SLIT3: variants seen among roughly 807,000 people sequenced by gnomAD.
SLIT3 encodes slit guidance ligand 3, also known as slit homolog 3 protein.
SLIT3 carries 68 observed loss-of-function variants against 184.0 expected under a neutral mutation model. The ratio of observed to expected loss-of-function variants is 0.37; its 90% confidence interval spans 0.30 to 0.45. SLIT3 has a LOEUF of 0.45. Among genes scored for constraint, SLIT3 ranks in the 20% least tolerant of loss-of-function variants. The pLI is 1.00. For synonymous variants in SLIT3, 831 were observed against 828.6 expected (o/e 1.00, Z -0.05); for missense variants, 1,707 against 2,026.0 (o/e 0.84, Z 3.02).
chr5:168,737,619 C>A (rs1019587648), intron 20 of SLIT3, among the ~76,000 whole-genome samples: 2 of 152,222 alleles, frequency 1.3e-5, no homozygotes, highest in Non-Finnish European at 1.5e-5. Context: ...TATAGGACAA[C>A]AAATCCATGC....
At chr5:168,998,686 A>G (rs1203570683) in intron 4 of SLIT3, among the ~76,000 whole-genome samples, 1 of 151,460 alleles carries the variant, frequency 6.6e-6, no homozygotes, top group African/African-American at 2.4e-5. Flanking sequence ...CCTGGGCGAC[A>G]GAGCAAGACT....
At chr5:168,849,187 A>T (rs537310255) in intron 5 of SLIT3, among the ~76,000 whole-genome samples, 1 of 152,224 alleles carries the variant, frequency 6.6e-6, no homozygotes, top group East Asian at 1.9e-4. Flanking sequence ...CAAACTAGGT[A>T]TCTACATGCA....
chr5:169,052,094 A>T (rs1205713504), intron 4 of SLIT3, among the ~76,000 whole-genome samples: 1 of 148,676 alleles, frequency 6.7e-6, no homozygotes, highest in Admixed American at 6.7e-5. Flanking sequence ...CTTCACAGAA[A>T]TGCGTGTGCA....
chr5:168,788,508 A>C (rs377345674), intron 11 of SLIT3, among the ~76,000 whole-genome samples: 1 of 152,200 alleles, frequency 6.6e-6, no homozygotes, highest in Non-Finnish European at 1.5e-5. Context: ...GCCAGACAGC[A>C]TGGGTTCAAA....
rs191033914 is a variant in SLIT3 at position 168,667,124 on chromosome 5, C to G, written c.4337-435G>C. Among the ~76,000 whole-genome samples, 7 of 152,222 alleles carry G rather than the reference C, an allele frequency of 4.6e-5. No individual in the cohort carries two copies. In the East Asian group the frequency reaches 9.7e-4, roughly 21 times the overall value. ...TCTGGATTTCTGCCTTCCTTGAAAA[C>G]AAGGAGGTCTGGCAGAGCTGAGCCT... is the stretch of plus-strand genomic sequence containing the variant. On this transcript the variant is annotated intron_variant, in intron 35 of 35. Transcript: ENST00000519560.
chr5:169,239,543 T>C (rs933249290), intron 3 of SLIT3, among the ~76,000 whole-genome samples: 55 of 152,092 alleles, frequency 3.6e-4, no homozygotes, highest in Admixed American at 3.6e-3. Flanking sequence ...TTCAATTTCA[T>C]TTACTCTTTA....
At chr5:169,207,128 A>G (rs1361433652) in intron 3 of SLIT3, among the ~76,000 whole-genome samples, 2 of 151,760 alleles carry the variant, frequency 1.3e-5, no homozygotes, top group Non-Finnish European at 2.9e-5. Flanking sequence ...GTCTGCAGAA[A>G]TAGTTTAAGA....
At chr5:168,803,074 T>C (rs1469373470) in intron 9 of SLIT3, among the ~76,000 whole-genome samples, 9 of 152,226 alleles carry the variant, frequency 5.9e-5, no homozygotes. Context: ...TCTCAGACTT[T>C]TGGATTTCAA....
chr5:168,847,737 G>C (rs1561965694), intron 5 of SLIT3, among the ~76,000 whole-genome samples: 1 of 152,156 alleles, frequency 6.6e-6, no homozygotes, highest in Non-Finnish European at 1.5e-5. Context: ...TGGTGGAGTG[G>C]AGCGTTACTA....
At position 169,300,896 on chromosome 5, in the gene SLIT3, G is replaced by GACA; in HGVS notation, c.-188_-187insTGT. On this transcript the variant is annotated 5_prime_UTR_variant, in exon 1 of 36. Coordinates refer to ENST00000519560, the MANE Select transcript of SLIT3 (RefSeq NM_003062.4). This position sits in a 1 kb window ranked among gnomAD's most constrained non-coding sequence, Gnocchi z 4.1. ...GCGGGGCGCTCCGGGCGGCGGCGGC[G>GACA]GCAGCAACAGCAGCTCCATCGGCGG... The GACA allele has an allele frequency of 3.0e-6, 1 of 333,410 alleles. No individual in the cohort carries two copies. The highest frequency in any genetic ancestry group is 5.0e-6 in the Non-Finnish European group (1 of 200,108). 20.7% of individuals were successfully genotyped at this position (333,410 alleles called of 1,614,324 possible).
At chr5:168,905,805 C>A (rs752844177) in intron 4 of SLIT3, among the ~76,000 whole-genome samples, 1 of 152,150 alleles carries the variant, frequency 6.6e-6, no homozygotes, top group Non-Finnish European at 1.5e-5. Context: ...TCCACCATCA[C>A]CCATTTAGAA....
At chr5:168,700,553 A>G in intron 27 of SLIT3, 29 bp downstream of exon 27, 2 of 1,498,864 alleles carry the variant, frequency 1.3e-6, no homozygotes, top group South Asian at 1.1e-5. Context: ...AAACTAATAC[A>G]GTGAGGGAGG....
At chr5:168,889,868 G>A (rs1760378802) in intron 4 of SLIT3, among the ~76,000 whole-genome samples, 1 of 152,158 alleles carries the variant, frequency 6.6e-6, no homozygotes, top group Non-Finnish European at 1.5e-5. Context: ...GAGCAAGGAT[G>A]GGTGGCCGCT....
intron 32 of SLIT3, among the ~76,000 whole-genome samples, chr5:168,676,209 A>T (rs1196138499): frequency 2.0e-5 from 3 of 151,420 alleles, no homozygotes; most frequent in Non-Finnish European, 4.4e-5. Context: ...TCTACCCTTC[A>T]TCCGCCCACC....
In SLIT3 at chr5:168,842,393, T is replaced by C. The variant is rs970739797; in HGVS notation, c.557+2191A>G. On this transcript the variant is annotated intron_variant, in intron 6 of 35. Transcript: ENST00000519560. Reference sequence around the variant, plus strand: ...TTGCAATGATAAGGAATGAGAACTTTTTTTTTTTTCTTTCAGTCACAGGTT... The same window carrying C: ...TTGCAATGATAAGGAATGAGAACTTCTTTTTTTTTCTTTCAGTCACAGGTT... Among the ~76,000 whole-genome samples, 17 of 151,962 alleles carry C rather than the reference T, an allele frequency of 1.1e-4. 1 individual carries two copies. The East Asian group carries it at 2.9e-3, about 26-fold the overall frequency.
intron 3 of SLIT3, among the ~76,000 whole-genome samples, chr5:169,236,829 C>G (rs78184252): frequency 1.3e-5 from 2 of 152,100 alleles, no homozygotes; most frequent in African/African-American, 4.8e-5. Context: ...AAAAATATTT[C>G]TATGTATATA....
intron 6 of SLIT3, among the ~76,000 whole-genome samples, chr5:168,841,037 C>G (rs1758227663): frequency 6.6e-6 from 1 of 152,220 alleles, no homozygotes; most frequent in African/African-American, 2.4e-5. Context: ...CCGACATTCT[C>G]CCCAGCGGGA....
In SLIT3 at chr5:168,662,012, T is replaced by C. The variant is rs887236228; in HGVS notation, c.*4442A>G. The C allele has an allele frequency of 1.3e-5, 2 of 152,186 alleles. No homozygotes were observed. The highest frequency in any genetic ancestry group is 2.9e-5 in the Non-Finnish European group (2 of 68,044). 9.4% of individuals were successfully genotyped at this position (152,186 alleles called of 1,614,324 possible). ...GTTTCACCAACTTTTCCCTAGTGTT[T>C]CCTTTGGCACTGTTGAGCCCACACT... On this transcript the variant is annotated 3_prime_UTR_variant, in exon 36 of 36. Transcript: ENST00000519560.
In SLIT3 at chr5:169,137,335, C is replaced by CACAGAGAGAGAGAGAGAGAGAGAGAG. The variant is rs368371904; in HGVS notation, c.413+56143_413+56144insCTCTCTCTCTCTCTCTCTCTCTCTGT. On this transcript the variant is annotated intron_variant, in intron 4 of 35. Coordinates refer to ENST00000519560, the MANE Select transcript of SLIT3 (RefSeq NM_003062.4). ...ACACACACACACACACACACACACA[C>CACAGAGAGAGAGAGAGAGAGAGAGAG]AGAGAGAGAGAGAGAGAGAGAAACA... Among the ~76,000 whole-genome samples the CACAGAGAGAGAGAGAGAGAGAGAGAG allele has an allele frequency of 1.1e-4, 15 of 138,656 alleles. No individual in the cohort carries two copies. In the South Asian group the frequency reaches 3.7e-3, roughly 34 times the overall value. The allele number at this position is 138,656 out of a possible 152,430, so 91.0% of individuals were successfully genotyped here.
Sources: gnomAD v4.1 joint callset for allele counts (sites outside exome capture counted in the v4.1 genomes callset) on GRCh38, gnomAD v4.1.1 for gene constraint, Gnocchi (gnomAD v3.1) non-coding constraint, MANE v1.5 for transcripts, NCBI Gene and HGNC (gene_info 2026-07-23, HGNC 2026-07-21) for gene names.